NEK9: variants seen among roughly 807,000 people sequenced by gnomAD.
NEK9 encodes the protein serine/threonine-protein kinase Nek9.
Under a neutral mutation model 123.4 loss-of-function variants are expected in NEK9, and 75 were observed. That is an observed-to-expected ratio of 0.61 (90% CI 0.50 to 0.74). The LOEUF is 0.74. Ranked by LOEUF, NEK9 falls within the 30% of genes least tolerant of loss-of-function variation. The pLI is 0.00. For synonymous variants in NEK9, 438 were observed against 458.7 expected (o/e 0.95, Z 0.58); for missense variants, 952 against 1,214.4 (o/e 0.78, Z 3.21).
At chr14:75,108,075 T>G (rs892392307) in intron 10 of NEK9, among the ~76,000 whole-genome samples, 1 of 151,958 alleles carries the variant, frequency 6.6e-6, no homozygotes, top group Non-Finnish European at 1.5e-5. Flanking sequence ...TCTGGCTACA[T>G]CAAAGAGGCT....
intron 8 of NEK9, among the ~76,000 whole-genome samples, chr14:75,111,195 T>TG (rs1773155730): frequency 6.6e-6 from 1 of 152,206 alleles, no homozygotes; most frequent in Admixed American, 6.5e-5. Flanking sequence ...TTTCTTGGCC[T>TG]GGCATGCAAG....
chr14:75,084,299 G>A lies in NEK9; in HGVS notation c.*265C>T, dbSNP rs1035440054. The A allele has an allele frequency of 2.3e-6, 1 of 439,128 alleles. No homozygotes were observed. The highest frequency in any genetic ancestry group is 2.0e-5 in the African/African-American group (1 of 50,736). 27.2% of individuals were successfully genotyped at this position (439,128 alleles called of 1,614,324 possible). A position where few individuals can be genotyped will look rare whatever the true frequency, so the allele number is the denominator to read the frequency against. On this transcript the variant is annotated 3_prime_UTR_variant, in exon 22 of 22. Transcript: ENST00000238616. ...AGGTGGGATCAACAGATGAGGTACA[G>A]AGCTGCTGTTGCTATGGCAGTCACT...
At chr14:75,103,158 G>A (rs1894647857) in intron 14 of NEK9, among the ~76,000 whole-genome samples, 2 of 151,114 alleles carry the variant, frequency 1.3e-5, no homozygotes, top group East Asian at 1.9e-4. Flanking sequence ...AAACCTGCAC[G>A]TTGTGCACAT....
chr14:75,096,972 C>G, intron 17 of NEK9, 128 bp downstream of exon 17: 1 of 747,474 alleles, frequency 1.3e-6, no homozygotes, highest in Admixed American at 3.4e-5. Context: ...GCATCCTTGA[C>G]CATTACAAGA....
At chr14:75,121,241 T>C (rs760249640) in intron 2 of NEK9, 67 bp from the exon 3 acceptor site, 18 of 1,197,504 alleles carry the variant, frequency 1.5e-5, no homozygotes, top group Non-Finnish European at 2.2e-5. Flanking sequence ...CTGTAACAGG[T>C]TTTTTTAGGT....
At chr14:75,106,443 A>G (rs750240061) in intron 12 of NEK9, 59 bp downstream of exon 12, 10 of 1,550,112 alleles carry the variant, frequency 6.5e-6, no homozygotes, top group Non-Finnish European at 8.9e-6. Context: ...AGATGCATAC[A>G]ACTTTGAAGT....
chr14:75,088,037 C>A (rs1894083277), intron 20 of NEK9, among the ~76,000 whole-genome samples: 1 of 152,100 alleles, frequency 6.6e-6, no homozygotes, highest in South Asian at 2.1e-4. Flanking sequence ...AATTATGTAG[C>A]CTTTTATAGA....
At chr14:75,118,668 AATGC>A (rs1385551025) in intron 5 of NEK9, among the ~76,000 whole-genome samples, 158 bp downstream of exon 5, 1 of 152,234 alleles carries the variant, frequency 6.6e-6, no homozygotes, top group Non-Finnish European at 1.5e-5. Flanking sequence ...CAATGACTTA[AATGC>A]CTGCTAGTGG....
At chr14:75,127,073 C>T, upstream of NEK9, 1 of 598,546 alleles carries the variant, frequency 1.7e-6, no homozygotes. Context: ...GACCCGGAAA[C>T]AGTTCTCTGT....
intron 8 of NEK9, among the ~76,000 whole-genome samples, chr14:75,111,520 T>C (rs1594844099): frequency 6.6e-6 from 1 of 152,220 alleles, no homozygotes; most frequent in South Asian, 2.1e-4. Context: ...AACAAAGTAT[T>C]GCAGGCAAAT....
chr14:75,126,586 T>C (rs989565590), intron 1 of NEK9, 117 bp downstream of exon 1: 10 of 680,596 alleles, frequency 1.5e-5, no homozygotes, highest in Middle Eastern at 4.3e-4. Context: ...CTAAGACATA[T>C]ACCCCGTGGG....
intron 17 of NEK9, among the ~76,000 whole-genome samples, chr14:75,095,773 C>T (rs913263437): frequency 6.6e-5 from 10 of 152,018 alleles, no homozygotes; most frequent in South Asian, 6.2e-4. Flanking sequence ...GCCTGTAGTC[C>T]CAGCTACTTG....
At position 75,126,792 on chromosome 14, in the gene NEK9, C is replaced by G. The variant is rs1396050404; in HGVS notation, c.130G>C (p.Ala44Pro). The change falls in exon 1 of 22, where the codon GCG becomes CCG. Residue 44 changes from alanine (A) to proline (P), a missense_variant. By Grantham distance (27) the Ala-to-Pro change is conservative (BLOSUM62 -1). This residue lies in a region of NEK9 where 120 missense variants were observed against 97.6 expected (regional missense o/e 1.23). Coordinates refer to ENST00000238616, the MANE Select transcript of NEK9 (RefSeq NM_033116.6). The part of the protein sequence containing the change: ...ASQGPRAGGG[A>P]AEQEELHYIP... The stretch of plus-strand genomic sequence containing the variant: ...TAGTGCAGTTCCTCCTGCTCCGCCG[C>G]GCCGCCGCCGGCTCGCGGCCCCTGA... 1 of 1,531,060 alleles carries G rather than the reference C, an allele frequency of 6.5e-7. No individual in the cohort carries two copies. 94.8% of individuals were successfully genotyped at this position (1,531,060 alleles called of 1,614,324 possible). A position where few individuals can be genotyped will look rare whatever the true frequency, so the allele number is the denominator to read the frequency against.
intron 13 of NEK9, among the ~76,000 whole-genome samples, 155 bp from the exon 14 acceptor site, chr14:75,104,152 T>TA (rs976316380): frequency 3.3e-5 from 5 of 150,538 alleles, no homozygotes; most frequent in African/African-American, 1.2e-4. Flanking sequence ...CCCAGTGTCT[T>TA]AGAGACTACT....
chr14:75,093,658 T>C (rs370205764), intron 18 of NEK9, among the ~76,000 whole-genome samples: 1 of 152,166 alleles, frequency 6.6e-6, no homozygotes, highest in South Asian at 2.1e-4. Context: ...GGTTTCACCA[T>C]GTTGGCCACG....
chr14:75,109,828 T>C lies in NEK9; in HGVS notation c.1039A>G (p.Ser347Gly). 1 of 1,613,962 alleles carries C rather than the reference T, an allele frequency of 6.2e-7. No individual in the cohort carries two copies. The highest frequency in any genetic ancestry group is 8.5e-7 in the Non-Finnish European group (1 of 1,179,960). ...APIAVVTSRT[S>G]EVYVWGGGKS... Reference sequence around the variant, plus strand: ...CCACCACCCCAAACATAGACTTCACTGGTTCGTGATGTTACTACAGCAATG... The same window carrying C: ...CCACCACCCCAAACATAGACTTCACCGGTTCGTGATGTTACTACAGCAATG... Residue 347 changes from serine to glycine, a missense_variant, in exon 10 of 22, where the codon AGT (serine) becomes GGT (glycine). Physicochemically the swap from Ser to Gly is moderately conservative, Grantham distance 56. Around this residue, in one of 4 missense-constraint regions of NEK9, gnomAD observed 698 missense variants for 875.6 expected, o/e 0.80. Coordinates refer to ENST00000238616, the MANE Select transcript of NEK9 (RefSeq NM_033116.6).
intron 16 of NEK9, among the ~76,000 whole-genome samples, chr14:75,099,650 C>T (rs1450215504): frequency 2.6e-5 from 4 of 151,682 alleles, no homozygotes; most frequent in African/African-American, 7.3e-5. Flanking sequence ...GGCATGGTGG[C>T]GAGTGCCTGT....
chr14:75,107,589 G>T, intron 10 of NEK9, 102 bp from the exon 11 acceptor site: 1 of 979,644 alleles, frequency 1.0e-6, no homozygotes, highest in East Asian at 3.0e-5. Context: ...AGCTGGTCTT[G>T]AACTCCTGGG....
intron 19 of NEK9, among the ~76,000 whole-genome samples, chr14:75,089,147 GTCCTGACCTTTGGGACTCAAATAA>G (rs1894125168): frequency 6.6e-6 from 1 of 151,780 alleles, no homozygotes; most frequent in East Asian, 2.0e-4. Flanking sequence ...ACTCACTGTA[GTCCTGACCTTTGGGACTCAAATAA>G]TCCTTCCACA....
Sources: gnomAD v4.1 joint callset for allele counts (sites outside exome capture counted in the v4.1 genomes callset) on GRCh38, gnomAD v4.1.1 for gene constraint, gnomAD v4.1.1 regional missense constraint, MANE v1.5 for transcripts, NCBI Gene and HGNC (gene_info 2026-07-23, HGNC 2026-07-21) for gene names.